Variants in TEX11 observed in about 807,000 individuals in gnomAD.
TEX11 encodes the protein testis-expressed protein 11.
TEX11 carries 7 observed loss-of-function variants against 84.4 expected under a neutral mutation model. The ratio of observed to expected loss-of-function variants is 0.08; its 90% CI spans 0.05 to 0.16. The LOEUF (loss-of-function observed/expected upper bound fraction) is 0.16. Among genes scored for constraint, TEX11 ranks in the 10% least tolerant of loss-of-function variants. The pLI is 1.00. For missense variants in TEX11, 551 were observed against 660.5 expected (o/e 0.83, Z 1.82); for synonymous variants, 264 against 222.8 (o/e 1.18, Z -1.64).
At chrX:70,644,438 C>T (rs1271030531) in intron 17 of TEX11, among the ~76,000 whole-genome samples, 2 of 104,929 alleles carry the variant, frequency 1.9e-5, no homozygotes, top group East Asian at 3.0e-4. Flanking sequence ...ACCCAAAGGA[C>T]TATAAATCAT....
At chrX:70,703,745 G>C (rs2090345189) in intron 13 of TEX11, among the ~76,000 whole-genome samples, 1 of 111,538 alleles carries the variant, frequency 9.0e-6, no homozygotes, top group Non-Finnish European at 1.9e-5. Context: ...CATTTCTCCT[G>C]TCTGTTCTAC....
intron 16 of TEX11, among the ~76,000 whole-genome samples, chrX:70,657,153 T>A (rs1297286264): frequency 2.7e-5 from 3 of 111,893 alleles, no homozygotes; most frequent in Non-Finnish European, 3.8e-5. Context: ...ATAACTTTAT[T>A]TAATTTTAAT....
chrX:70,538,798 A>G (rs1298955206), intron 28 of TEX11, among the ~76,000 whole-genome samples: 2 of 108,999 alleles, frequency 1.8e-5, no homozygotes, highest in Non-Finnish European at 3.8e-5. Context: ...AAATTAGGTA[A>G]CTGCAAAGAT....
In TEX11 at chrX:70,624,856, T is replaced by G; in HGVS notation, c.1677A>C (p.Gln559His). Reference protein sequence around the residue: ...YLAQHSEDQEQVLTAVKCLLR... With the variant: ...YLAQHSEDQEHVLTAVKCLLR... ...TTACTTACTTTACAGCTGTAAGAAC[T>G]TGTTCCTGGTCTTCTGAATGTTGAG... Residue 559 changes from glutamine (Q) to histidine (H), a missense_variant, in exon 19 of 30, where the codon CAA (glutamine) becomes CAC (histidine). By Grantham distance (24) the Gln-to-His change is conservative. Coordinates refer to ENST00000374333, the MANE Select transcript of TEX11 (RefSeq NM_031276.3). 3.3e-6 allele frequency: 4 copies of G among 1,207,755 alleles called. No individual in the cohort carries two copies. Among genetic ancestry groups the G allele is most frequent in the Non-Finnish European group, 4.5e-6 (4 of 892,752 alleles).
chrX:70,736,422 T>G (rs1480342589), intron 11 of TEX11, among the ~76,000 whole-genome samples: 3 of 110,329 alleles, frequency 2.7e-5, no homozygotes, highest in Non-Finnish European at 5.7e-5. Flanking sequence ...AAACAAAGAT[T>G]GTAGTGAGGC....
At chrX:70,725,050 TA>T (rs368229491) in intron 12 of TEX11, among the ~76,000 whole-genome samples, 5,335 of 105,053 alleles carry the variant, frequency 0.051, 325 homozygotes, top group African/African-American at 0.17. Context: ...CAGCTTTTTT[TA>T]AAAAAAAAAA....
intron 23 of TEX11, 30 bp downstream of exon 23, chrX:70,606,929 T>C (rs762826435): frequency 3.0e-6 from 3 of 1,015,491 alleles, no homozygotes; most frequent in African/African-American, 3.8e-5. Context: ...TTGTGGTCCA[T>C]ACATGAGATA....
At chrX:70,787,881 A>G (rs2091089418) in intron 9 of TEX11, among the ~76,000 whole-genome samples, 1 of 111,566 alleles carries the variant, frequency 9.0e-6, no homozygotes, top group African/African-American at 3.3e-5. Flanking sequence ...GGCACGATCA[A>G]TGAACTATCC....
intron 9 of TEX11, among the ~76,000 whole-genome samples, chrX:70,788,971 TATAGAGAGAGAGAGAGAGAGAG>T (rs1193959499): frequency 2.7e-3 from 50 of 18,860 alleles, no homozygotes; most frequent in Non-Finnish European, 3.3e-3. Context: ...TATATATATA[TATAGAGAGAGAGAGAGAGAGAG>T]AGAGAGAGAG....
At chrX:70,688,331 G>A (rs1036223985) in intron 13 of TEX11, among the ~76,000 whole-genome samples, 1 of 111,342 alleles carries the variant, frequency 9.0e-6, no homozygotes, top group Admixed American at 9.6e-5. Context: ...AAATCTTCCC[G>A]TGAATGTTTA....
At chrX:70,653,763 A>G (rs768451162) in intron 16 of TEX11, among the ~76,000 whole-genome samples, 1 of 112,300 alleles carries the variant, frequency 8.9e-6, no homozygotes, top group East Asian at 2.8e-4. Context: ...AGCTTTATTC[A>G]TAACTGCCAA....
chrX:70,712,713 A>G (rs1343053505), intron 13 of TEX11, among the ~76,000 whole-genome samples: 2 of 110,869 alleles, frequency 1.8e-5, no homozygotes, highest in Non-Finnish European at 3.8e-5. Flanking sequence ...GGTTTTCTAG[A>G]TATACAATCA....
At chrX:70,728,825 C>T (rs200780963) in intron 11 of TEX11, among the ~76,000 whole-genome samples, 5,354 of 87,052 alleles carry the variant, frequency 0.062, 453 homozygotes, top group African/African-American at 0.2. Flanking sequence ...GTGGTTCTCC[C>T]AGCACGCAGC....
intron 25 of TEX11, among the ~76,000 whole-genome samples, chrX:70,566,334 A>AT (rs2088477180): frequency 9.7e-6 from 1 of 102,694 alleles, no homozygotes; most frequent in African/African-American, 3.6e-5. Context: ...TAGATATACA[A>AT]TCATGTCATC....
At chrX:70,524,014 C>T (rs992599933), downstream of TEX11, among the ~76,000 whole-genome samples, 23 of 110,704 alleles carry the variant, frequency 2.1e-4, no homozygotes, top group African/African-American at 6.6e-4. Context: ...GGTAAAGCTT[C>T]GAAAATAGGT....
At chrX:70,602,231 G>A (rs747869397) in intron 24 of TEX11, among the ~76,000 whole-genome samples, 5 of 111,618 alleles carry the variant, frequency 4.5e-5, no homozygotes, top group East Asian at 5.7e-4. Context: ...TACCAAAGCC[G>A]GGCAGAGACA....
chrX:70,562,606 TAG>T (rs1197683329), intron 25 of TEX11, among the ~76,000 whole-genome samples: 1 of 112,288 alleles, frequency 8.9e-6, no homozygotes, highest in Non-Finnish European at 1.9e-5. Context: ...TCATTCGTAA[TAG>T]AGTCAGATTC....
At chrX:70,719,858 A>C (rs2090541261) in intron 13 of TEX11, among the ~76,000 whole-genome samples, 1 of 111,497 alleles carries the variant, frequency 9.0e-6, no homozygotes, top group African/African-American at 3.3e-5. Flanking sequence ...ATCATTAAAA[A>C]GTCAGGAAAC....
At chrX:70,750,356 T>A (rs1164212753) in intron 9 of TEX11, among the ~76,000 whole-genome samples, 1 of 111,607 alleles carries the variant, frequency 9.0e-6, no homozygotes, top group Non-Finnish European at 1.9e-5. Context: ...ATTGTGGAAG[T>A]CAGTGTGGTG....
Sources: gnomAD v4.1 joint callset for allele counts (sites outside exome capture counted in the v4.1 genomes callset) on GRCh38, gnomAD v4.1.1 for gene constraint, MANE v1.5 for transcripts, NCBI Gene and HGNC (gene_info 2026-07-23, HGNC 2026-07-21) for gene names.